Variants in HLCS observed in about 807,000 individuals in gnomAD.
The protein encoded by HLCS is biotin--protein ligase.
HLCS carries 53 observed loss-of-function variants against 75.0 expected under a neutral mutation model. The ratio of observed to expected loss-of-function variants is 0.71; its 90% CI spans 0.57 to 0.89. The LOEUF is 0.89. HLCS is among the 40% of genes least tolerant of loss of function. The pLI is 0.00. For synonymous variants in HLCS, 431 were observed against 428.6 expected (o/e 1.01, Z -0.07); for missense variants, 966 against 1,074.0 (o/e 0.90, Z 1.41).
chr21:36,774,039 T>G (rs1340852592), intron 6 of HLCS, among the ~76,000 whole-genome samples: 2 of 152,158 alleles, frequency 1.3e-5, no homozygotes, highest in Admixed American at 1.3e-4. Flanking sequence ...CAAGATTGTT[T>G]TTTGAAAGGA....
In HLCS at chr21:36,936,627, G is replaced by T. The variant is rs749638767; in HGVS notation, c.1259C>A (p.Ser420Tyr). The T allele has an allele frequency of 1.9e-5, 30 of 1,614,074 alleles. No homozygotes were observed. Among genetic ancestry groups the T allele is most frequent in the Non-Finnish European group, 2.4e-5 (28 of 1,180,042 alleles). ...CTTCACCTCGCTCTGGTCAGCCTTG[G>T]AGAAAACCAAGTTCTGGACTGTCTT... ...LHKTVQNLVF[S>Y]KADQSEVKLS... Residue 420 changes from serine (S) to tyrosine (Y), a missense_variant, in exon 4 of 11, where the codon TCC (serine) becomes TAC (tyrosine). Ser to Tyr is a moderately radical substitution (Grantham distance 144). Transcript: ENST00000674895.
chr21:36,965,460 CTT>C (rs1569260102), intron 1 of HLCS, among the ~76,000 whole-genome samples: 1 of 152,208 alleles, frequency 6.6e-6, no homozygotes, highest in Admixed American at 6.5e-5. Context: ...AGGCAGCAGA[CTT>C]TTTACAGAGA....
At chr21:36,874,925 T>C (rs2063910335) in intron 6 of HLCS, among the ~76,000 whole-genome samples, 1 of 152,130 alleles carries the variant, frequency 6.6e-6, no homozygotes, top group Non-Finnish European at 1.5e-5. Flanking sequence ...TCGCACTCCC[T>C]GGCCTCTCCC....
At chr21:36,946,628 A>G (rs2067409423) in intron 2 of HLCS, among the ~76,000 whole-genome samples, 2 of 152,106 alleles carry the variant, frequency 1.3e-5, no homozygotes, top group Non-Finnish European at 2.9e-5. Context: ...AAAAACAATC[A>G]TGAAAAAAAA....
Position 36,813,092 on chromosome 21 carries a change from C to G in HLCS, c.1893-45807G>C, listed in dbSNP as rs185963453. 2.8e-4 allele frequency among the ~76,000 whole-genome samples: 42 copies of G among 152,230 alleles called. 1 individual carries two copies. Among genetic ancestry groups the G allele is most frequent in the Admixed American group, 2.6e-3 (40 of 15,290 alleles). ...AAGAAAAGAAAAGATCTACCAGAAG[C>G]CTTGGGTCCCTGTTTTCTGGCAATA... On this transcript the variant is annotated intron_variant, in intron 6 of 10. Transcript: ENST00000674895.
chr21:36,983,033 C>CA (rs1046106324), intron 1 of HLCS, among the ~76,000 whole-genome samples: 51 of 139,690 alleles, frequency 3.7e-4, no homozygotes, highest in East Asian at 1.1e-3. Context: ...GACTCCGTCT[C>CA]AAAAAAAAAA....
Position 36,829,901 on chromosome 21 carries a change from G to A in HLCS, c.1893-62616C>T, listed in dbSNP as rs142607643. ...GGGACCCTCTCCTGTAGTACAACCC[G>A]GCTGCACATGCACAGGGTTAGAGGC... On this transcript the variant is annotated intron_variant, in intron 6 of 10. Coordinates refer to ENST00000674895, the MANE Select transcript of HLCS (RefSeq NM_001352514.2). Among the ~76,000 whole-genome samples the A allele has an allele frequency of 1.5e-3, 230 of 152,260 alleles. 2 individuals carry two copies. Among genetic ancestry groups the A allele is most frequent in the African/African-American group, 5.2e-3 (216 of 41,554 alleles).
intron 6 of HLCS, among the ~76,000 whole-genome samples, chr21:36,885,186 T>C (rs1372580326): frequency 6.6e-6 from 1 of 152,046 alleles, no homozygotes; most frequent in Admixed American, 6.6e-5. Context: ...ACTGTCGAAA[T>C]CTTCAAACAA....
chr21:36,887,183 C>G (rs547306159), intron 6 of HLCS, among the ~76,000 whole-genome samples: 2 of 151,934 alleles, frequency 1.3e-5, no homozygotes, highest in South Asian at 2.1e-4. Context: ...TTTGACCAAG[C>G]CGGGTAGCAC....
chr21:36,989,667 T>G (rs2069304998), intron 1 of HLCS, among the ~76,000 whole-genome samples: 1 of 151,598 alleles, frequency 6.6e-6, no homozygotes, highest in Admixed American at 6.6e-5. Flanking sequence ...TATCAGTCTT[T>G]TTTTTCCGGG....
intron 2 of HLCS, chr21:36,947,683 G>A (rs2067469656): frequency 2.0e-6 from 2 of 985,274 alleles, no homozygotes; most frequent in African/African-American, 1.7e-5. Flanking sequence ...ACAATGTATG[G>A]CAGCAGGCAA....
intron 6 of HLCS, among the ~76,000 whole-genome samples, chr21:36,830,736 G>A (rs2062175611): frequency 6.7e-6 from 1 of 149,122 alleles, no homozygotes; most frequent in Non-Finnish European, 1.5e-5. Flanking sequence ...CAACAACTCT[G>A]GACAAGCCCC....
At chr21:36,835,147 T>G (rs1193822930) in intron 6 of HLCS, among the ~76,000 whole-genome samples, 1 of 152,152 alleles carries the variant, frequency 6.6e-6, no homozygotes, top group Non-Finnish European at 1.5e-5. Flanking sequence ...CTTCTAAGAT[T>G]TAAAGTAAAT....
At chr21:36,917,758 GC>G (rs1161269959) in intron 5 of HLCS, among the ~76,000 whole-genome samples, 2 of 152,030 alleles carry the variant, frequency 1.3e-5, no homozygotes, top group East Asian at 3.9e-4. Flanking sequence ...GCCTCTGGTG[GC>G]CAGTTTAGTA....
At chr21:36,809,291 T>G (rs1168073595) in intron 6 of HLCS, among the ~76,000 whole-genome samples, 2 of 152,222 alleles carry the variant, frequency 1.3e-5, no homozygotes, top group Admixed American at 1.3e-4. Flanking sequence ...GCCGTTCTGG[T>G]CTGCAAGGTT....
Position 36,754,089 on chromosome 21 carries a change from A to G in HLCS, c.*157T>C, listed in dbSNP as rs1244509040. On this transcript the variant is annotated 3_prime_UTR_variant, in exon 11 of 11. Transcript: ENST00000674895. ...AGAGCCTCTTCAAACACCAAAGAAA[A>G]CGACAACAAAACAAACCTAAAAACA... 1 of 842,658 alleles carries G rather than the reference A, an allele frequency of 1.2e-6. No homozygotes were observed. Among genetic ancestry groups the G allele is most frequent in the Non-Finnish European group, 1.8e-6 (1 of 541,716 alleles). The allele number at this position is 842,658 out of a possible 1,614,324, so 52.2% of individuals were successfully genotyped here.
intron 1 of HLCS, chr21:36,972,034 C>T (rs1201686426): frequency 6.6e-6 from 1 of 152,086 alleles, no homozygotes; most frequent in Non-Finnish European, 1.5e-5. Flanking sequence ...AAGAGGGCAT[C>T]AATACAAAGA....
intron 2 of HLCS, among the ~76,000 whole-genome samples, chr21:36,942,307 C>T (rs1004317303): frequency 6.6e-6 from 1 of 150,790 alleles, no homozygotes; most frequent in African/African-American, 2.4e-5. Flanking sequence ...CGGAGGCTCA[C>T]GCCTGCAATC....
intron 1 of HLCS, among the ~76,000 whole-genome samples, chr21:36,975,487 C>A (rs1023472996): frequency 2.6e-5 from 4 of 152,172 alleles, no homozygotes; most frequent in Admixed American, 1.3e-4. Flanking sequence ...AGCGCTCATC[C>A]CATCACTCCT....
Sources: gnomAD v4.1 joint callset for allele counts (sites outside exome capture counted in the v4.1 genomes callset) on GRCh38, gnomAD v4.1.1 for gene constraint, MANE v1.5 for transcripts, NCBI Gene and HGNC (gene_info 2026-07-23, HGNC 2026-07-21) for gene names.